The following SEC31A variants were observed in gnomAD, a reference collection of about 807,000 sequenced individuals.
SEC31A encodes the protein protein transport protein Sec31A.
Under a neutral mutation model 151.0 loss-of-function variants are expected in SEC31A, and 70 were observed. That is an observed-to-expected ratio of 0.46 (90% CI 0.38 to 0.57). The LOEUF (loss-of-function observed/expected upper bound fraction) is 0.57, where lower values mean the gene tolerates loss of function less well. SEC31A is among the 20% of genes least tolerant of loss of function. The pLI is 0.00. For synonymous variants in SEC31A, 475 were observed against 505.9 expected (o/e 0.94, Z 0.82); for missense variants, 1,330 against 1,471.2 (o/e 0.90, Z 1.57).
intron 6 of SEC31A, 83 bp downstream of exon 6, chr4:82,874,527 AT>A: frequency 7.5e-7 from 1 of 1,324,756 alleles, no homozygotes; most frequent in Non-Finnish European, 1.0e-6. Flanking sequence ...CAGAAATTTG[AT>A]TTGTTGTCAA....
chr4:82,888,850 T>C (rs1442082358), intron 1 of SEC31A, among the ~76,000 whole-genome samples: 1 of 152,214 alleles, frequency 6.6e-6, no homozygotes, highest in Non-Finnish European at 1.5e-5. Context: ...GAAGCAATAC[T>C]AAAACCCACC....
rs752987985 is a variant in SEC31A at position 82,891,134 on chromosome 4, G to T, written c.-51C>A. 4 of 1,535,820 alleles carry T rather than the reference G, an allele frequency of 2.6e-6. No individual in the cohort carries two copies. In the African/African-American group the frequency reaches 5.5e-5, roughly 21 times the overall value. On this transcript the variant is annotated 5_prime_UTR_variant, in exon 1 of 27. Transcript: ENST00000395310. ...CGGATCCTGCGTTAGTGCAGCGCTCGTCGGACTCTCCCAGCATTCGCCGCC... is the reference window on the plus strand; with the variant it reads ...CGGATCCTGCGTTAGTGCAGCGCTCTTCGGACTCTCCCAGCATTCGCCGCC...
chr4:82,864,034 T>C lies in SEC31A; in HGVS notation c.1434+328A>G, dbSNP rs73829994. Among the ~76,000 whole-genome samples, 1,487 of 152,310 alleles carry C rather than the reference T, an allele frequency of 9.8e-3. 20 individuals are homozygous for C. Among genetic ancestry groups the C allele is most frequent in the African/African-American group, 0.034 (1,425 of 41,582 alleles). ...CCTTAACTAGATCTACTATAGATGT[T>C]AAATATTCTGTTTTCATTATAGTAA... is the stretch of plus-strand genomic sequence containing the variant. On this transcript the variant is annotated intron_variant, in intron 11 of 26. Coordinates refer to ENST00000395310, the MANE Select transcript of SEC31A (RefSeq NM_001077207.4).
At chr4:82,825,547 A>G (rs1264126299) in intron 24 of SEC31A, among the ~76,000 whole-genome samples, 5 of 152,230 alleles carry the variant, frequency 3.3e-5, no homozygotes, top group Admixed American at 2.6e-4. Flanking sequence ...CGAAAGGAAT[A>G]ACATGTAGAA....
chr4:82,885,741 A>G (rs536043513), intron 1 of SEC31A, among the ~76,000 whole-genome samples: 1 of 152,292 alleles, frequency 6.6e-6, no homozygotes, highest in African/African-American at 2.4e-5. Context: ...TTAGTTGTAT[A>G]ATCAATCCCT....
chr4:82,845,342 G>A (rs767695746), intron 20 of SEC31A: 95 of 1,116,586 alleles, frequency 8.5e-5, no homozygotes, highest in Middle Eastern at 2.2e-4. Flanking sequence ...AAATGAAAAC[G>A]TTAAAAGAAG....
At chr4:82,897,580 CA>C (rs950821671) in intron 3 of SEC31A, among the ~76,000 whole-genome samples, 2 of 150,884 alleles carry the variant, frequency 1.3e-5, no homozygotes, top group Non-Finnish European at 3.0e-5. Flanking sequence ...ACCAAATATA[CA>C]AAAAAAAATT....
intron 13 of SEC31A, among the ~76,000 whole-genome samples, chr4:82,862,033 C>A (rs139822566): frequency 6.7e-6 from 1 of 150,002 alleles, no homozygotes; most frequent in African/African-American, 2.4e-5. Context: ...CTGCCTTAGC[C>A]GCCCAAGTAG....
At chr4:82,862,714 T>C in intron 12 of SEC31A, 142 bp from the exon 13 acceptor site, 2 of 653,528 alleles carry the variant, frequency 3.1e-6, no homozygotes, top group Non-Finnish European at 5.4e-6. Context: ...AAAAAAGCTA[T>C]GCAGAACTGG....
intron 12 of SEC31A, among the ~76,000 whole-genome samples, chr4:82,863,003 C>T (rs1021488843): frequency 3.9e-5 from 6 of 152,210 alleles, no homozygotes; most frequent in Non-Finnish European, 8.8e-5. Flanking sequence ...CTTCAATATG[C>T]ACTTAAAGTG....
intron 3 of SEC31A, among the ~76,000 whole-genome samples, chr4:82,879,548 T>A (rs1738803972): frequency 6.6e-6 from 1 of 152,086 alleles, no homozygotes; most frequent in Admixed American, 6.6e-5. Flanking sequence ...AGAATGGAGA[T>A]GAAATATGAA....
intron 3 of SEC31A, 98 bp downstream of exon 3, chr4:82,880,701 C>G (rs1739080807): frequency 8.8e-6 from 9 of 1,021,246 alleles, no homozygotes; most frequent in Non-Finnish European, 1.1e-5. Flanking sequence ...TGATGGTATT[C>G]CTTGTAGTTT....
intron 7 of SEC31A, chr4:82,871,490 C>T (rs1444881842): frequency 7.0e-6 from 8 of 1,135,722 alleles, no homozygotes; most frequent in African/African-American, 3.1e-5. Context: ...CTGACATAAA[C>T]ATTAAGTTCC....
chr4:82,890,834 C>G (rs181742425), intron 1 of SEC31A: 1 of 1,327,180 alleles, frequency 7.5e-7, no homozygotes, highest in Non-Finnish European at 9.6e-7. Context: ...AAGACACTGT[C>G]GCCAGCCTCG....
chr4:82,829,706 T>C (rs1050261586), intron 22 of SEC31A, among the ~76,000 whole-genome samples: 8 of 151,968 alleles, frequency 5.3e-5, no homozygotes, highest in African/African-American at 1.9e-4. Flanking sequence ...TGATAGCAAA[T>C]ATAAAATTAA....
intron 8 of SEC31A, among the ~76,000 whole-genome samples, chr4:82,869,197 G>A (rs1169762551): frequency 1.3e-5 from 2 of 151,936 alleles, no homozygotes; most frequent in African/African-American, 4.8e-5. Flanking sequence ...TGGGCTCACT[G>A]CAAGCTCCGC....
intron 7 of SEC31A, among the ~76,000 whole-genome samples, chr4:82,870,889 A>G (rs1331471259): frequency 1.3e-5 from 2 of 152,218 alleles, no homozygotes; most frequent in Admixed American, 6.5e-5. Context: ...AATAAATTAC[A>G]GACCACCCTT....
chr4:82,853,446 T>A, intron 18 of SEC31A, 124 bp downstream of exon 18: 1 of 819,424 alleles, frequency 1.2e-6, no homozygotes, highest in Non-Finnish European at 1.8e-6. Context: ...TAAATGCATA[T>A]AATTATCCAG....
intron 9 of SEC31A, 74 bp downstream of exon 9, chr4:82,867,081 A>G: frequency 6.5e-7 from 1 of 1,549,344 alleles, no homozygotes. Flanking sequence ...TAATCAGTGA[A>G]GTCATTTCAA....
Sources: allele counts gnomAD v4.1 joint callset (sites outside exome capture counted in the v4.1 genomes callset), GRCh38; gene constraint gnomAD v4.1.1; transcripts MANE v1.5; gene names NCBI Gene and HGNC (gene_info 2026-07-23, HGNC 2026-07-21).